TRPM3: variants seen among roughly 807,000 people sequenced by gnomAD.
TRPM3 encodes transient receptor potential cation channel subfamily M member 3, also known as long transient receptor potential channel 3.
TRPM3 carries 77 observed loss-of-function variants against 181.2 expected under a neutral mutation model. That is an observed-to-expected ratio of 0.42 (90% CI 0.35 to 0.51). TRPM3 has a LOEUF of 0.51. Ranked by LOEUF, TRPM3 falls within the 20% of genes least tolerant of loss-of-function variation. TRPM3 has a pLI of 0.01. For synonymous variants in TRPM3, 745 were observed against 796.4 expected (o/e 0.94, Z 1.09); for missense variants, 1,759 against 2,196.7 (o/e 0.80, Z 3.98).
chr9:71,163,235 A>G (rs1238050751), intron 1 of TRPM3, among the ~76,000 whole-genome samples: 2 of 152,176 alleles, frequency 1.3e-5, no homozygotes, highest in African/African-American at 4.8e-5. Flanking sequence ...TGCAAAGAAC[A>G]TAATCACTCA....
At chr9:71,420,611 A>G (rs1565556288) in intron 1 of TRPM3, among the ~76,000 whole-genome samples, 1 of 149,610 alleles carries the variant, frequency 6.7e-6, no homozygotes, top group Non-Finnish European at 1.5e-5. Flanking sequence ...AAGAGAAAGA[A>G]AGAAAGACAG....
chr9:70,947,909 A>G (rs1278165956), intron 1 of TRPM3, among the ~76,000 whole-genome samples: 2 of 152,138 alleles, frequency 1.3e-5, no homozygotes, highest in Non-Finnish European at 2.9e-5. Flanking sequence ...CTTCCCCCAA[A>G]TCTTTCTGTA....
chr9:71,396,344 T>C (rs966777348), intron 1 of TRPM3, among the ~76,000 whole-genome samples: 13 of 150,996 alleles, frequency 8.6e-5, no homozygotes, highest in African/African-American at 2.4e-4. Context: ...CAAAGAGTTA[T>C]GCGGCAGCAA....
chr9:71,446,390 C>G (rs2094204100), intron 1 of TRPM3, among the ~76,000 whole-genome samples: 1 of 152,156 alleles, frequency 6.6e-6, no homozygotes, highest in Non-Finnish European at 1.5e-5. Flanking sequence ...GATCTAACAG[C>G]GAGCCCCCTC....
chr9:70,674,724 ATTTTTTTTTTT>A (rs67630432), intron 9 of TRPM3, among the ~76,000 whole-genome samples: 1 of 97,890 alleles, frequency 1.0e-5, no homozygotes, highest in Non-Finnish European at 1.9e-5. Flanking sequence ...TATTCAGGCT[ATTTTTTTTTTT>A]TTTTTTTTTT....
At chr9:71,347,136 T>C (rs1472818232) in intron 1 of TRPM3, among the ~76,000 whole-genome samples, 3 of 152,200 alleles carry the variant, frequency 2.0e-5, no homozygotes, top group Non-Finnish European at 4.4e-5. Context: ...TCATGTTTGG[T>C]TTAGCATTTT....
chr9:71,138,630 A>C (rs2074914554), intron 1 of TRPM3, among the ~76,000 whole-genome samples: 1 of 152,072 alleles, frequency 6.6e-6, no homozygotes, highest in African/African-American at 2.4e-5. Flanking sequence ...TGGCATGTAA[A>C]TTATATTTCA....
chr9:71,253,354 G>A (rs2082468681), intron 1 of TRPM3, among the ~76,000 whole-genome samples: 1 of 152,128 alleles, frequency 6.6e-6, no homozygotes, highest in Non-Finnish European at 1.5e-5. Flanking sequence ...TTTCCTGGGG[G>A]ACATTTGGCA....
intron 1 of TRPM3, among the ~76,000 whole-genome samples, chr9:71,194,178 C>G (rs978852866): frequency 6.6e-6 from 1 of 151,828 alleles, no homozygotes; most frequent in Non-Finnish European, 1.5e-5. Flanking sequence ...AATTATAGAT[C>G]ACAGAAATTT....
At chr9:71,392,204 G>A (rs2093077932) in intron 1 of TRPM3, among the ~76,000 whole-genome samples, 1 of 152,070 alleles carries the variant, frequency 6.6e-6, no homozygotes, top group South Asian at 2.1e-4. Flanking sequence ...AACAAACACT[G>A]CACCTACAAA....
At chr9:70,952,780 T>C (rs1420978438) in intron 1 of TRPM3, among the ~76,000 whole-genome samples, 1 of 152,070 alleles carries the variant, frequency 6.6e-6, no homozygotes, top group Non-Finnish European at 1.5e-5. Context: ...GATAGGTAAG[T>C]AGGAACCAGT....
intron 1 of TRPM3, among the ~76,000 whole-genome samples, chr9:71,194,815 A>AT (rs374947207): frequency 6.6e-6 from 1 of 152,108 alleles, no homozygotes. Flanking sequence ...GAAAAAAAAA[A>AT]GAAAACCTTT....
At chr9:71,251,511 G>A (rs781680367) in intron 1 of TRPM3, among the ~76,000 whole-genome samples, 3 of 151,762 alleles carry the variant, frequency 2.0e-5, no homozygotes, top group African/African-American at 2.4e-5. Flanking sequence ...TTAATTCATT[G>A]TACCACAGAA....
intron 1 of TRPM3, among the ~76,000 whole-genome samples, chr9:71,306,889 A>C (rs2087395715): frequency 6.8e-6 from 1 of 147,742 alleles, no homozygotes; most frequent in African/African-American, 2.4e-5. Context: ...ACAACAACAA[A>C]AACACCTTAT....
At chr9:71,067,432 T>G (rs537860210) in intron 1 of TRPM3, among the ~76,000 whole-genome samples, 8 of 152,118 alleles carry the variant, frequency 5.3e-5, no homozygotes, top group Non-Finnish European at 1.0e-4. Flanking sequence ...GTGCAGAAGT[T>G]AGCAGGAAAA....
chr9:70,540,042 C>T (rs1227696908), intron 25 of TRPM3, among the ~76,000 whole-genome samples: 4 of 152,082 alleles, frequency 2.6e-5, no homozygotes, highest in Admixed American at 6.6e-5. Flanking sequence ...TCCACTATAT[C>T]GCTCAGGCTG....
At chr9:70,836,895 T>A (rs1349626144) in intron 5 of TRPM3, among the ~76,000 whole-genome samples, 2 of 152,214 alleles carry the variant, frequency 1.3e-5, no homozygotes, top group Non-Finnish European at 2.9e-5. Context: ...TATAGGTAGA[T>A]ATCTCAAAGG....
rs543703160 is a variant in TRPM3, at chr9:70,940,223, T to A, written c.178-75712A>T. Among the ~76,000 whole-genome samples the A allele has an allele frequency of 6.6e-5, 10 of 152,348 alleles. No homozygotes were observed. The East Asian group carries it at 1.3e-3, about 21-fold the overall frequency. On this transcript the variant is annotated intron_variant, in intron 1 of 25. Coordinates refer to ENST00000677713, the MANE Select transcript of TRPM3 (RefSeq NM_001366145.2). Reference sequence around the variant, plus strand: ...AAAACCTTTTGAGGTAGATAGTTAATATCTCCAATTTATTGAGAAGGAAAC... The same window carrying A: ...AAAACCTTTTGAGGTAGATAGTTAAAATCTCCAATTTATTGAGAAGGAAAC...
chr9:71,412,858 T>A (rs1035419696), intron 1 of TRPM3, among the ~76,000 whole-genome samples: 2 of 152,114 alleles, frequency 1.3e-5, no homozygotes, highest in African/African-American at 2.4e-5. Flanking sequence ...CAAATGTCCA[T>A]CAATGATAGA....
Sources: allele counts gnomAD v4.1 joint callset (sites outside exome capture counted in the v4.1 genomes callset), GRCh38; gene constraint gnomAD v4.1.1; transcripts MANE v1.5; gene names NCBI Gene and HGNC (gene_info 2026-07-23, HGNC 2026-07-21).